Variants in GREB1L observed in about 807,000 individuals in gnomAD.
The protein encoded by GREB1L is GREB1 like retinoic acid receptor coactivator, also known as GREB1-like protein.
Under a neutral mutation model 200.8 loss-of-function variants are expected in GREB1L, and 17 were observed. That is an observed-to-expected ratio of 0.08 (90% confidence interval 0.06 to 0.13). GREB1L has a LOEUF of 0.13. Ranked by LOEUF, GREB1L falls within the 10% of genes least tolerant of loss-of-function variation. The probability of loss-of-function intolerance (pLI) is 1.00; values close to 1 mark genes in which losing one functional copy is unlikely to be tolerated. For missense variants in GREB1L, 1,657 were observed against 2,367.7 expected, an observed-to-expected ratio of 0.70 and a Z score of 6.23; for synonymous variants, 789 against 893.0, an observed-to-expected ratio of 0.88 and a Z score of 2.08.
At chr18:21,506,368 C>T (rs1046993260) in intron 25 of GREB1L, among the ~76,000 whole-genome samples, 19 of 151,238 alleles carry the variant, frequency 1.3e-4, no homozygotes, top group African/African-American at 4.4e-4. Flanking sequence ...GCACTCCAGC[C>T]TGGGTGACAG....
chr18:21,253,047 G>T (rs893886377), intron 1 of GREB1L, among the ~76,000 whole-genome samples: 4 of 151,930 alleles, frequency 2.6e-5, no homozygotes, highest in South Asian at 4.2e-4. Flanking sequence ...ATTCAAAAGG[G>T]TTTCCTTCTG....
chr18:21,458,357 T>C (rs998029379), intron 15 of GREB1L, among the ~76,000 whole-genome samples: 1 of 152,144 alleles, frequency 6.6e-6, no homozygotes, highest in African/African-American at 2.4e-5. Context: ...CAACTGATGT[T>C]TGAATGGAGG....
At chr18:21,362,556 T>G (rs2039596013) in intron 1 of GREB1L, among the ~76,000 whole-genome samples, 1 of 152,222 alleles carries the variant, frequency 6.6e-6, no homozygotes, top group Admixed American at 6.5e-5. Flanking sequence ...CATAAATATT[T>G]GTATCATTTG....
chr18:21,469,395 A>G (rs1163165628), intron 15 of GREB1L, among the ~76,000 whole-genome samples: 5 of 152,222 alleles, frequency 3.3e-5, no homozygotes, highest in African/African-American at 7.2e-5. Flanking sequence ...GCCTTCAGGC[A>G]GGCTCTTGTG....
intron 1 of GREB1L, among the ~76,000 whole-genome samples, chr18:21,254,661 T>A (rs2037773036): frequency 1.3e-5 from 2 of 152,170 alleles, no homozygotes. Flanking sequence ...GGCACTGCAA[T>A]TCTTGGGTTA....
At chr18:21,436,669 G>GGTGTGTGTGTGTGTGTGTGTGT (rs71178172) in intron 7 of GREB1L, among the ~76,000 whole-genome samples, 2 of 132,456 alleles carry the variant, frequency 1.5e-5, no homozygotes, top group Admixed American at 7.7e-5. Flanking sequence ...AAAGTTCAGT[G>GGTGTGTGTGTGTGTGTGTGTGT]GTGTGTGTGT....
intron 1 of GREB1L, among the ~76,000 whole-genome samples, chr18:21,261,029 G>A (rs1400305424): frequency 6.6e-6 from 1 of 151,928 alleles, no homozygotes; most frequent in Non-Finnish European, 1.5e-5. Flanking sequence ...AAGGAAAACA[G>A]TAGTGTTTTA....
intron 16 of GREB1L, 145 bp from the exon 17 acceptor site, chr18:21,477,019 G>A (rs148389680): frequency 2.9e-4 from 152 of 527,164 alleles, no homozygotes; most frequent in Non-Finnish European, 3.7e-4. Context: ...TTTCCTTTCC[G>A]TGTCAAATTT....
chr18:21,417,261 C>T (rs2031727881), intron 7 of GREB1L, among the ~76,000 whole-genome samples: 2 of 151,934 alleles, frequency 1.3e-5, no homozygotes, highest in Admixed American at 1.3e-4. Flanking sequence ...GTGGCTCACG[C>T]CTGTAATCCT....
intron 5 of GREB1L, among the ~76,000 whole-genome samples, chr18:21,396,533 T>C (rs1193560162): frequency 6.6e-6 from 1 of 152,210 alleles, no homozygotes; most frequent in African/African-American, 2.4e-5. Context: ...CAATTATTTA[T>C]CTGTGGATTA....
intron 1 of GREB1L, among the ~76,000 whole-genome samples, chr18:21,302,651 A>T (rs1318171639): frequency 2.0e-5 from 3 of 152,166 alleles, no homozygotes; most frequent in African/African-American, 4.8e-5. Flanking sequence ...GAGTGACTTC[A>T]TTTTGGTTTG....
chr18:21,412,288 C>T (rs1439486969), intron 7 of GREB1L, among the ~76,000 whole-genome samples: 1 of 151,968 alleles, frequency 6.6e-6, no homozygotes, highest in African/African-American at 2.4e-5. Context: ...TGACACATGC[C>T]TGTAGTCCCA....
chr18:21,428,106 C>G (rs2032762007), intron 7 of GREB1L, among the ~76,000 whole-genome samples: 2 of 140,764 alleles, frequency 1.4e-5, no homozygotes, highest in Admixed American at 7.6e-5. Context: ...AGGAGAATGG[C>G]GTGAACCCGG....
At chr18:21,324,812 AAAAC>A (rs775959145) in intron 1 of GREB1L, among the ~76,000 whole-genome samples, 16 of 152,228 alleles carry the variant, frequency 1.1e-4, no homozygotes, top group African/African-American at 2.9e-4. Flanking sequence ...TCTGTCTCAA[AAAAC>A]AAACAAACAA....
At chr18:21,249,160 T>G (rs1253674508) in intron 1 of GREB1L, among the ~76,000 whole-genome samples, 1 of 152,046 alleles carries the variant, frequency 6.6e-6, no homozygotes, top group Non-Finnish European at 1.5e-5. Context: ...TTTATTTAGG[T>G]AGATAACTTA....
At chr18:21,396,549 T>C (rs1038413151) in intron 5 of GREB1L, among the ~76,000 whole-genome samples, 5 of 152,204 alleles carry the variant, frequency 3.3e-5, no homozygotes, top group Admixed American at 3.3e-4. Context: ...GATTATTCAC[T>C]TTGTAAGTTA....
intron 1 of GREB1L, among the ~76,000 whole-genome samples, chr18:21,310,209 C>G (rs1247652517): frequency 6.6e-6 from 1 of 152,064 alleles, no homozygotes; most frequent in Non-Finnish European, 1.5e-5. Flanking sequence ...AAATGTTGGG[C>G]AGAAAAGGTT....
intron 2 of GREB1L, among the ~76,000 whole-genome samples, chr18:21,367,136 G>A (rs549141784): frequency 1.3e-5 from 2 of 152,268 alleles, no homozygotes; most frequent in African/African-American, 4.8e-5. Flanking sequence ...ACCATGGGGT[G>A]TATTTTGTTA....
intron 21 of GREB1L, 138 bp downstream of exon 21, chr18:21,496,836 C>A: frequency 1.1e-6 from 1 of 900,250 alleles, no homozygotes; most frequent in Non-Finnish European, 1.6e-6. Context: ...TCTCCAGACC[C>A]AGCTCCAGGT....
Sources: gnomAD v4.1 joint callset for allele counts (sites outside exome capture counted in the v4.1 genomes callset) on GRCh38, gnomAD v4.1.1 for gene constraint, MANE v1.5 for transcripts, NCBI Gene and HGNC (gene_info 2026-07-23, HGNC 2026-07-21) for gene names.